TRPV4: variants seen among roughly 807,000 people sequenced by gnomAD.
TRPV4 encodes OSM9-like transient receptor potential channel 4.
In TRPV4, 58 loss-of-function variants were observed where a neutral mutation model predicts 84.1. The observed-to-expected ratio is 0.69, with a 90% confidence interval of 0.56 to 0.86. The LOEUF (loss-of-function observed/expected upper bound fraction) is 0.86. TRPV4 is among the 40% of genes least tolerant of loss of function. The pLI is 0.00. For missense variants in TRPV4, 879 were observed against 1,181.1 expected, an observed-to-expected ratio of 0.74 and a Z score of 3.75; for synonymous variants, 489 against 500.9, an observed-to-expected ratio of 0.98 and a Z score of 0.32.
rs1299602969 is a variant in TRPV4, at chr12:109,793,663, G to C, written c.1585-63C>G. 13 of 1,371,328 alleles carry C rather than the reference G, an allele frequency of 9.5e-6. No homozygotes were observed. In the East Asian group the frequency reaches 2.7e-4, roughly 29 times the overall value. The allele number at this position is 1,371,328 out of a possible 1,614,324, so 84.9% of individuals were successfully genotyped here. On this transcript the variant is annotated intron_variant, in intron 9 of 15. Coordinates refer to ENST00000261740, the MANE Select transcript of TRPV4 (RefSeq NM_021625.5). The surrounding 1 kb of genome is among the most constrained non-coding windows in gnomAD (Gnocchi z 4.0). ...CAGCAGGAGAGGAGAGGAGGAGAGAGGAGACAGAGAAAGGGATAGAAGAGA... is the reference window on the plus strand; with the variant it reads ...CAGCAGGAGAGGAGAGGAGGAGAGACGAGACAGAGAAAGGGATAGAAGAGA...
chr12:109,821,468 C>T (rs1393053338), intron 1 of TRPV4, among the ~76,000 whole-genome samples: 1 of 152,176 alleles, frequency 6.6e-6, no homozygotes, highest in Non-Finnish European at 1.5e-5. Flanking sequence ...GTTTCCCCTG[C>T]TCTTTACTCT....
At chr12:109,802,326 A>C (rs1890839371) in intron 4 of TRPV4, among the ~76,000 whole-genome samples, 1 of 138,908 alleles carries the variant, frequency 7.2e-6, no homozygotes, top group Non-Finnish European at 1.5e-5. Context: ...TTTTGAGATG[A>C]GTCTTGCTCT....
intron 1 of TRPV4, among the ~76,000 whole-genome samples, chr12:109,820,614 C>A (rs1892063593): frequency 6.6e-6 from 1 of 150,648 alleles, no homozygotes. Flanking sequence ...GCTCCGCCTC[C>A]CGGGTTCACG....
rs921249736 is a variant in TRPV4 at position 109,784,003 on chromosome 12, C to T, written c.2459-225G>A. Among the ~76,000 whole-genome samples, 143 of 152,286 alleles carry T rather than the reference C, an allele frequency of 9.4e-4. 1 individual carries two copies. Among genetic ancestry groups the T allele is most frequent in the African/African-American group, 3.3e-3 (139 of 41,554 alleles). Reference sequence around the variant, plus strand: ...AGCCTGGAGCCGAATGCCCTGAGTGCCTGTGTCCTCTCCAGCTGCGTCTCG... The same window carrying T: ...AGCCTGGAGCCGAATGCCCTGAGTGTCTGTGTCCTCTCCAGCTGCGTCTCG... On this transcript the variant is annotated intron_variant, in intron 15 of 15. Coordinates refer to ENST00000261740, the MANE Select transcript of TRPV4 (RefSeq NM_021625.5).
Position 109,798,990 on chromosome 12 carries a change from G to T in TRPV4, c.854-78C>A, listed in dbSNP as rs557521223. The T allele has an allele frequency of 1.5e-6, 2 of 1,370,302 alleles. No individual in the cohort carries two copies. The highest frequency in any genetic ancestry group is 1.4e-5 in the African/African-American group (1 of 70,722). The allele number at this position is 1,370,302 out of a possible 1,614,324, so 84.9% of individuals were successfully genotyped here. On this transcript the variant is annotated intron_variant, in intron 5 of 15. Transcript: ENST00000261740. The surrounding 1 kb of genome is among the most constrained non-coding windows in gnomAD (Gnocchi z 5.0). ...CTCTGCCTGCAGACACTCGGGGGAC[G>T]GACACCGTGGCGCTCTGAGGATAAT... is the stretch of plus-strand genomic sequence containing the variant.
Position 109,802,978 on chromosome 12 carries a change from C to A in TRPV4, c.712+13G>T. 1 of 1,613,428 alleles carries A rather than the reference C, an allele frequency of 6.2e-7. No homozygotes were observed. On this transcript the variant is annotated intron_variant, in intron 4 of 15. Transcript: ENST00000261740. Reference sequence around the variant, plus strand: ...CAGCCCCCGTGGCACCCCTGCCCAGCCCGGGGCCCCACCTCGATAGTAGAT... The same window carrying A: ...CAGCCCCCGTGGCACCCCTGCCCAGACCGGGGCCCCACCTCGATAGTAGAT...
At chr12:109,818,378 A>G (rs1891951913) in intron 1 of TRPV4, among the ~76,000 whole-genome samples, 1 of 151,354 alleles carries the variant, frequency 6.6e-6, no homozygotes, top group South Asian at 2.1e-4. Context: ...AACAGCGCTG[A>G]GGTTGAGAAA....
rs377518118 is a variant in TRPV4, at chr12:109,798,810, G to A, written c.956C>T (p.Ser319Leu). The change falls in exon 6 of 16, where the codon TCG becomes TTG. Residue 319 changes from serine (S) to leucine (L), a missense_variant. By Grantham distance (145) the Ser-to-Leu change is moderately radical. Transcript: ENST00000261740. The surrounding 1 kb of genome is among the most constrained non-coding windows in gnomAD (Gnocchi z 5.0). ...CGCATGCAGCACTGTGTTGCCTCGC[G>A]AGTCCTGGCGCCGCATGTCCGCCTT... Reference protein sequence around the residue: ...HKKADMRRQDSRGNTVLHALV... With the variant: ...HKKADMRRQDLRGNTVLHALV... 59 of 1,614,036 alleles carry A rather than the reference G, an allele frequency of 3.7e-5. 1 individual carries two copies. In the Admixed American group the frequency reaches 3.7e-4, roughly 10 times the overall value.
intron 3 of TRPV4, among the ~76,000 whole-genome samples, chr12:109,807,368 C>T (rs949560069): frequency 1.3e-5 from 2 of 151,070 alleles, no homozygotes; most frequent in Non-Finnish European, 2.9e-5. Flanking sequence ...AAGATGGGCC[C>T]TTCTTCATAG....
intron 1 of TRPV4, among the ~76,000 whole-genome samples, chr12:109,822,883 G>T (rs952219141): frequency 1.3e-5 from 2 of 152,236 alleles, no homozygotes; most frequent in African/African-American, 4.8e-5. Context: ...GTCAAGCATG[G>T]CTGCTGTTGG....
intron 6 of TRPV4, among the ~76,000 whole-genome samples, chr12:109,797,787 T>C (rs931234777): frequency 6.6e-6 from 1 of 152,220 alleles, no homozygotes; most frequent in Non-Finnish European, 1.5e-5. Context: ...CCCAACTAGC[T>C]GGCATTACAG....
chr12:109,799,675 C>A (rs960936871), intron 5 of TRPV4, among the ~76,000 whole-genome samples: 1 of 152,228 alleles, frequency 6.6e-6, no homozygotes, highest in Non-Finnish European at 1.5e-5. Context: ...GTGATCCCCA[C>A]TGCACAGCTG....
At chr12:109,821,652 C>A (rs982671972) in intron 1 of TRPV4, among the ~76,000 whole-genome samples, 1 of 152,064 alleles carries the variant, frequency 6.6e-6, no homozygotes, top group Non-Finnish European at 1.5e-5. Context: ...GCCTCAGCCT[C>A]CTCGAGTAGC....
In TRPV4 at chr12:109,793,931, T is replaced by A; in HGVS notation, c.1583A>T (p.Asn528Ile). The A allele has an allele frequency of 5.6e-6, 9 of 1,607,388 alleles. No homozygotes were observed. The highest frequency in any genetic ancestry group is 6.8e-6 in the Non-Finnish European group (8 of 1,177,760). The change falls in exon 9 of 16, where the codon AAC becomes ATC. Residue 528 changes from asparagine (N) to isoleucine (I), a missense_variant and splice_region_variant. Coordinates refer to ENST00000261740, the MANE Select transcript of TRPV4 (RefSeq NM_021625.5). The surrounding 1 kb of genome is among the most constrained non-coding windows in gnomAD (Gnocchi z 4.0). ...LFTGVLFFFT[N>I]IKDLFMKKCP... ...GGGGCACGGGGGCCAGGCACTTACGTTGGTGAAGAAGAACAGGACCCCAGT... is the reference window on the plus strand; with the variant it reads ...GGGGCACGGGGGCCAGGCACTTACGATGGTGAAGAAGAACAGGACCCCAGT...
intron 3 of TRPV4, among the ~76,000 whole-genome samples, chr12:109,803,417 T>C (rs1890934965): frequency 6.6e-6 from 1 of 152,178 alleles, no homozygotes; most frequent in Non-Finnish European, 1.5e-5. Context: ...TAATTAATCT[T>C]ATTTGGGAAG....
chr12:109,819,270 G>A (rs1891994588), intron 1 of TRPV4, among the ~76,000 whole-genome samples: 1 of 152,198 alleles, frequency 6.6e-6, no homozygotes, highest in Non-Finnish European at 1.5e-5. Context: ...CAGGGAGAGA[G>A]GCTGAGAGCC....
intron 1 of TRPV4, among the ~76,000 whole-genome samples, chr12:109,820,802 C>T (rs1447981363): frequency 6.6e-6 from 1 of 152,096 alleles, no homozygotes; most frequent in African/African-American, 2.4e-5. Flanking sequence ...GGATTATAGG[C>T]GTGAGCCACT....
intron 13 of TRPV4, among the ~76,000 whole-genome samples, chr12:109,787,883 T>C (rs1454645155): frequency 1.3e-5 from 2 of 152,200 alleles, no homozygotes; most frequent in South Asian, 2.1e-4. Context: ...CAGGATTGCA[T>C]AGAAAGCTTT....
intron 1 of TRPV4, among the ~76,000 whole-genome samples, chr12:109,822,721 G>C (rs939775835): frequency 6.6e-6 from 1 of 152,176 alleles, no homozygotes; most frequent in African/African-American, 2.4e-5. Flanking sequence ...CACCAGCTCT[G>C]GGCAAGTCAC....
Sources: gnomAD v4.1 joint callset for allele counts (sites outside exome capture counted in the v4.1 genomes callset) on GRCh38, gnomAD v4.1.1 for gene constraint, Gnocchi (gnomAD v3.1) non-coding constraint, MANE v1.5 for transcripts, NCBI Gene and HGNC (gene_info 2026-07-23, HGNC 2026-07-21) for gene names.